The following LRRC4C variants were observed in gnomAD, a reference collection of about 807,000 sequenced individuals.
The protein encoded by LRRC4C is leucine rich repeat containing 4C.
LRRC4C carries 5 observed loss-of-function variants against 33.6 expected under a neutral mutation model. That is an observed-to-expected ratio of 0.15 (90% confidence interval 0.08 to 0.31). The LOEUF (loss-of-function observed/expected upper bound fraction) is 0.31, where lower values mean the gene tolerates loss of function less well. LRRC4C is among the 10% of genes least tolerant of loss of function. The probability of loss-of-function intolerance (pLI) is 1.00; values close to 1 mark genes in which losing one functional copy is unlikely to be tolerated. For synonymous variants in LRRC4C, 329 were observed against 302.0 expected, an observed-to-expected ratio of 1.09 and a Z score of -0.93; for missense variants, 560 against 796.7, an observed-to-expected ratio of 0.70 and a Z score of 3.58.
At chr11:41,227,567 A>G (rs1344254603) in intron 1 of LRRC4C, among the ~76,000 whole-genome samples, 1 of 152,042 alleles carries the variant, frequency 6.6e-6, no homozygotes, top group Non-Finnish European at 1.5e-5. Flanking sequence ...TGGCACAATC[A>G]TGGCTCACTG....
chr11:40,647,025 T>A (rs537536656), intron 3 of LRRC4C, among the ~76,000 whole-genome samples: 1 of 152,354 alleles, frequency 6.6e-6, no homozygotes, highest in South Asian at 2.1e-4. Context: ...TAGGTTCTTA[T>A]GTGACTCTCC....
intron 1 of LRRC4C, among the ~76,000 whole-genome samples, chr11:40,959,221 C>A (rs1234153225): frequency 6.6e-6 from 1 of 151,504 alleles, no homozygotes; most frequent in Non-Finnish European, 1.5e-5. Flanking sequence ...TTAAGTATAC[C>A]ATCAATAAAG....
chr11:40,645,293 T>C (rs1398063909), intron 3 of LRRC4C, among the ~76,000 whole-genome samples: 1 of 152,174 alleles, frequency 6.6e-6, no homozygotes, highest in African/African-American at 2.4e-5. Context: ...TTTGAAAATT[T>C]AAACACACAG....
chr11:40,902,578 C>A lies in LRRC4C; in HGVS notation c.-407+31057G>T, dbSNP rs561725876. 9.9e-5 allele frequency among the ~76,000 whole-genome samples: 15 copies of A among 152,184 alleles called. No individual in the cohort carries two copies. The South Asian group carries it at 2.5e-3, about 25-fold the overall frequency. ...CAGCCCAGATAGGCCAAAAGCTAGACCTCTTGTGCCAAATATTTAACAAAG... is the reference window on the plus strand; with the variant it reads ...CAGCCCAGATAGGCCAAAAGCTAGAACTCTTGTGCCAAATATTTAACAAAG... On this transcript the variant is annotated intron_variant, in intron 2 of 6. Transcript: ENST00000528697.
At chr11:40,967,638 C>T (rs185974997) in intron 1 of LRRC4C, among the ~76,000 whole-genome samples, 156 of 151,982 alleles carry the variant, frequency 1.0e-3, no homozygotes, top group African/African-American at 3.5e-3. Flanking sequence ...TCTGATGTTA[C>T]TATTTTAATT....
chr11:40,591,200 G>A (rs138565741), intron 3 of LRRC4C, among the ~76,000 whole-genome samples: 3,417 of 152,226 alleles, frequency 0.022, 128 homozygotes, highest in African/African-American at 0.077. Flanking sequence ...TTTTAAGCCC[G>A]TCGGAAAAGC....
intron 3 of LRRC4C, among the ~76,000 whole-genome samples, chr11:40,339,278 TAAAG>T (rs768387757): frequency 1.3e-4 from 20 of 152,144 alleles, no homozygotes; most frequent in Admixed American, 9.2e-4. Context: ...TGTCCCAAAA[TAAAG>T]AACACTTTGT....
intron 2 of LRRC4C, among the ~76,000 whole-genome samples, chr11:40,872,746 T>A (rs190869788): frequency 3.8e-4 from 58 of 152,204 alleles, no homozygotes; most frequent in Non-Finnish European, 7.1e-4. Context: ...ATTTCAGTAG[T>A]CAATATGGAC....
intron 3 of LRRC4C, among the ~76,000 whole-genome samples, chr11:40,328,752 A>C (rs960940639): frequency 2.4e-4 from 37 of 152,334 alleles, no homozygotes; most frequent in Middle Eastern, 6.8e-3. Context: ...TTAAAAATGA[A>C]AGAGAAGTGA....
chr11:40,919,997 T>C (rs886117877), intron 2 of LRRC4C, among the ~76,000 whole-genome samples: 3 of 152,048 alleles, frequency 2.0e-5, no homozygotes, highest in African/African-American at 7.2e-5. Flanking sequence ...ATCCATAATA[T>C]CCCTACTAAG....
intron 3 of LRRC4C, among the ~76,000 whole-genome samples, chr11:40,559,192 T>C (rs1457726280): frequency 6.6e-6 from 1 of 150,810 alleles, no homozygotes; most frequent in Non-Finnish European, 1.5e-5. Context: ...TTTTTTTTTT[T>C]TTTTTTTTCT....
chr11:41,034,091 T>A (rs1856887244), intron 1 of LRRC4C, among the ~76,000 whole-genome samples: 2 of 152,078 alleles, frequency 1.3e-5, no homozygotes, highest in Admixed American at 1.3e-4. Flanking sequence ...TTTACATGTG[T>A]CCTCCAAATG....
intron 1 of LRRC4C, among the ~76,000 whole-genome samples, chr11:41,093,866 C>T (rs1940607039): frequency 7.2e-6 from 1 of 139,460 alleles, no homozygotes; most frequent in South Asian, 2.3e-4. Context: ...CCAAGGCGGG[C>T]GGATCACAAG....
intron 1 of LRRC4C, among the ~76,000 whole-genome samples, chr11:40,991,808 G>A (rs1853588234): frequency 6.6e-6 from 1 of 152,130 alleles, no homozygotes; most frequent in African/African-American, 2.4e-5. Flanking sequence ...CAGAGCTCAG[G>A]CTGTAATGTG....
rs1565219423 is a variant in LRRC4C at position 40,936,062 on chromosome 11, ATAT to A, written c.-495-2342_-495-2340del. Among the ~76,000 whole-genome samples, 941 of 102,752 alleles carry A rather than the reference ATAT, an allele frequency of 9.2e-3. 51 individuals carry two copies. Among genetic ancestry groups the A allele is most frequent in the South Asian group, 0.012 (40 of 3,236 alleles). 67.4% of individuals were successfully genotyped at this position (102,752 alleles called of 152,430 possible). A position where few individuals can be genotyped will look rare whatever the true frequency, so the allele number is the denominator to read the frequency against. ...TATATATATATATATATATATATATATATAACATAGTTTGAACCTTAACTCTGT... is the reference window on the plus strand; with the variant it reads ...TATATATATATATATATATATATATAAACATAGTTTGAACCTTAACTCTGT... On this transcript the variant is annotated intron_variant, in intron 1 of 6. Coordinates refer to ENST00000528697, the MANE Select transcript of LRRC4C (RefSeq NM_001258419.2).
chr11:40,419,416 C>T (rs550545513), intron 3 of LRRC4C, among the ~76,000 whole-genome samples: 2 of 152,158 alleles, frequency 1.3e-5, no homozygotes, highest in South Asian at 2.1e-4. Flanking sequence ...AGAAAAATGG[C>T]ACATCCCAGG....
chr11:41,456,565 C>A (rs1156290263), intron 1 of LRRC4C, among the ~76,000 whole-genome samples: 1 of 152,200 alleles, frequency 6.6e-6, no homozygotes, highest in African/African-American at 2.4e-5. Context: ...GGAGAAGAAA[C>A]GGAATGTCCT....
At chr11:40,201,376 C>A (rs1221941719) in intron 5 of LRRC4C, among the ~76,000 whole-genome samples, 1 of 152,028 alleles carries the variant, frequency 6.6e-6, no homozygotes, top group Non-Finnish European at 1.5e-5. Flanking sequence ...TGTTTTTAAG[C>A]CCTTTTTTTG....
intron 5 of LRRC4C, among the ~76,000 whole-genome samples, chr11:40,162,673 A>G (rs1487442071): frequency 2.0e-5 from 3 of 152,190 alleles, no homozygotes; most frequent in Non-Finnish European, 4.4e-5. Context: ...TGTGTTTATT[A>G]GGGCCAAGTA....
Sources: gnomAD v4.1 joint callset for allele counts (sites outside exome capture counted in the v4.1 genomes callset) on GRCh38, gnomAD v4.1.1 for gene constraint, MANE v1.5 for transcripts, NCBI Gene and HGNC (gene_info 2026-07-23, HGNC 2026-07-21) for gene names.